PLXDC2: variants seen among roughly 807,000 people sequenced by gnomAD.
PLXDC2 encodes the protein plexin domain-containing protein 2.
PLXDC2 carries 40 observed loss-of-function variants against 68.9 expected under a neutral mutation model. The ratio of observed to expected loss-of-function variants is 0.58; its 90% CI spans 0.45 to 0.76. The LOEUF (loss-of-function observed/expected upper bound fraction) is 0.76, where lower values mean the gene tolerates loss of function less well. Ranked by LOEUF, PLXDC2 falls within the 30% of genes least tolerant of loss-of-function variation. The pLI, the probability that PLXDC2 is intolerant of heterozygous loss-of-function variation, is 0.00. For missense variants in PLXDC2, 644 were observed against 661.9 expected (o/e 0.97, Z 0.30); for synonymous variants, 243 against 234.2 (o/e 1.04, Z -0.34).
intron 11 of PLXDC2, 71 bp downstream of exon 11, chr10:20,217,647 T>C (rs1835158500): frequency 5.6e-6 from 8 of 1,431,422 alleles, no homozygotes; most frequent in Admixed American, 2.7e-5. Context: ...GAAAAATCAC[T>C]GTGTTGACAT....
chr10:20,089,222 A>G (rs1589623956), intron 4 of PLXDC2, among the ~76,000 whole-genome samples: 2 of 151,122 alleles, frequency 1.3e-5, no homozygotes, highest in South Asian at 4.2e-4. Flanking sequence ...GTGTTTAAAT[A>G]CAATGTAGAG....
intron 1 of PLXDC2, among the ~76,000 whole-genome samples, chr10:19,901,047 A>G (rs1249875381): frequency 2.0e-5 from 3 of 151,692 alleles, no homozygotes; most frequent in Non-Finnish European, 4.4e-5. Flanking sequence ...ACATATATAT[A>G]TAAAACAATT....
chr10:19,925,116 C>G (rs1589538902), intron 1 of PLXDC2, among the ~76,000 whole-genome samples: 1 of 152,134 alleles, frequency 6.6e-6, no homozygotes, highest in Non-Finnish European at 1.5e-5. Flanking sequence ...AAGTTCCAGC[C>G]GTGACACCAG....
At chr10:20,062,615 T>C (rs75387529) in intron 3 of PLXDC2, among the ~76,000 whole-genome samples, 3,830 of 152,190 alleles carry the variant, frequency 0.025, 72 homozygotes, top group South Asian at 0.068. Flanking sequence ...TATACTTCCA[T>C]TAAAAGAAGA....
chr10:19,898,193 G>C (rs1838095430), intron 1 of PLXDC2, among the ~76,000 whole-genome samples: 2 of 152,072 alleles, frequency 1.3e-5, no homozygotes, highest in African/African-American at 4.8e-5. Flanking sequence ...TTTTTGGTTT[G>C]TTTTGTTTCA....
chr10:19,824,900 G>T (rs550411201), intron 1 of PLXDC2, among the ~76,000 whole-genome samples: 1 of 152,286 alleles, frequency 6.6e-6, no homozygotes, highest in South Asian at 2.1e-4. Flanking sequence ...TAGAGGTCTT[G>T]TCAGGGGCCT....
rs991546314 is a variant in PLXDC2, at chr10:20,226,318, T to C, written c.1312+7216T>C. Among the ~76,000 whole-genome samples, 7 of 152,196 alleles carry C rather than the reference T, an allele frequency of 4.6e-5. No homozygotes were observed. In the East Asian group the frequency reaches 1.2e-3, roughly 25 times the overall value. ...CCAAGCTTGTCCAACCCTCAGCAGC[T>C]ATTGTTGGTGTTAGTGTATTTTATG... On this transcript the variant is annotated intron_variant, in intron 12 of 13. Transcript: ENST00000377252.
intron 1 of PLXDC2, among the ~76,000 whole-genome samples, chr10:19,951,590 T>C (rs1393423533): frequency 6.6e-6 from 1 of 152,204 alleles, no homozygotes; most frequent in Admixed American, 6.5e-5. Flanking sequence ...GGAAGCAGTT[T>C]AGAGATTTCT....
chr10:20,264,957 A>G (rs368134091), intron 13 of PLXDC2, among the ~76,000 whole-genome samples: 1 of 152,182 alleles, frequency 6.6e-6, no homozygotes, highest in East Asian at 1.9e-4. Context: ...GACTTATTCT[A>G]GTAAGGTCGC....
intron 1 of PLXDC2, among the ~76,000 whole-genome samples, chr10:19,980,083 A>T (rs890486212): frequency 6.6e-6 from 1 of 152,216 alleles, no homozygotes. Flanking sequence ...TTCGTGTTTC[A>T]ATTATATTTT....
intron 1 of PLXDC2, among the ~76,000 whole-genome samples, chr10:19,871,848 C>G (rs1456366655): frequency 6.7e-6 from 1 of 149,028 alleles, no homozygotes; most frequent in African/African-American, 2.5e-5. Flanking sequence ...ATCACGCCAC[C>G]GCACTCCAGC....
chr10:20,233,089 A>T (rs551177435), intron 12 of PLXDC2, among the ~76,000 whole-genome samples: 2 of 152,124 alleles, frequency 1.3e-5, no homozygotes, highest in South Asian at 4.1e-4. Flanking sequence ...AACATTTCTG[A>T]TCATGTGATT....
At chr10:19,954,552 C>G (rs528198534) in intron 1 of PLXDC2, among the ~76,000 whole-genome samples, 1 of 152,066 alleles carries the variant, frequency 6.6e-6, no homozygotes, top group Admixed American at 6.5e-5. Context: ...ATGGCATGAG[C>G]GTTAATTTTG....
At chr10:19,890,846 T>C (rs181748487) in intron 1 of PLXDC2, among the ~76,000 whole-genome samples, 12 of 152,218 alleles carry the variant, frequency 7.9e-5, no homozygotes, top group Non-Finnish European at 1.3e-4. Flanking sequence ...AACTAATGTA[T>C]TTCTCTCAGT....
At chr10:20,228,789 A>G (rs1362855629) in intron 12 of PLXDC2, among the ~76,000 whole-genome samples, 1 of 152,302 alleles carries the variant, frequency 6.6e-6, no homozygotes, top group Admixed American at 6.5e-5. Flanking sequence ...AAAGTTTGGT[A>G]TCACAGAAAC....
chr10:19,862,087 T>G (rs1257927399), intron 1 of PLXDC2, among the ~76,000 whole-genome samples: 1 of 152,232 alleles, frequency 6.6e-6, no homozygotes, highest in African/African-American at 2.4e-5. Context: ...TCTACTTTTT[T>G]GGTAGAACTT....
At chr10:20,270,145 A>C (rs1412396844) in intron 13 of PLXDC2, among the ~76,000 whole-genome samples, 1 of 152,180 alleles carries the variant, frequency 6.6e-6, no homozygotes, top group Non-Finnish European at 1.5e-5. Flanking sequence ...GAGTTAGAAG[A>C]CTATTGGTAG....
intron 1 of PLXDC2, among the ~76,000 whole-genome samples, chr10:19,839,370 T>G (rs1836862390): frequency 6.6e-6 from 1 of 152,232 alleles, no homozygotes; most frequent in South Asian, 2.1e-4. Context: ...TTTTTGCAAT[T>G]TCTTTTTAAG....
At chr10:20,010,582 T>C (rs940676681) in intron 2 of PLXDC2, among the ~76,000 whole-genome samples, 1 of 152,252 alleles carries the variant, frequency 6.6e-6, no homozygotes, top group African/African-American at 2.4e-5. Context: ...CTGAATTTTC[T>C]CTTTGATGCT....
Sources: gnomAD v4.1 joint callset for allele counts (sites outside exome capture counted in the v4.1 genomes callset) on GRCh38, gnomAD v4.1.1 for gene constraint, MANE v1.5 for transcripts, NCBI Gene and HGNC (gene_info 2026-07-23, HGNC 2026-07-21) for gene names.